GRIA3: variants seen among roughly 807,000 people sequenced by gnomAD.
The protein encoded by GRIA3 is glutamate ionotropic receptor AMPA type subunit 3.
Under a neutral mutation model 63.0 loss-of-function variants are expected in GRIA3, and 3 were observed. That is an observed-to-expected ratio of 0.05 (90% CI 0.02 to 0.12). GRIA3 has a LOEUF of 0.12. Among genes scored for constraint, GRIA3 ranks in the 10% least tolerant of loss-of-function variants. The pLI is 1.00. For synonymous variants in GRIA3, 274 were observed against 257.9 expected (o/e 1.06, Z -0.60); for missense variants, 347 against 700.9 (o/e 0.50, Z 5.70).
chrX:123,258,003 T>C (rs1454786240), intron 3 of GRIA3, among the ~76,000 whole-genome samples: 3 of 112,665 alleles, frequency 2.7e-5, no homozygotes, highest in African/African-American at 9.7e-5. Flanking sequence ...TGAAAATTAC[T>C]TTCTTGGTGC....
intron 8 of GRIA3, 64 bp downstream of exon 8, chrX:123,403,162 A>G: frequency 1.5e-6 from 1 of 667,419 alleles, no homozygotes; most frequent in Non-Finnish European, 2.5e-6. Context: ...TTTGGATGTA[A>G]GAAAATAAGT....
Position 123,184,393 on chromosome X carries a change from T to C in GRIA3, c.-143T>C, listed in dbSNP as rs1927185236. ...GGCAGCGGAGGAGGAGGAGGACTAG[T>C]GTGGGGTGGAAAGGAAGAGTGAGCG... On this transcript the variant is annotated 5_prime_UTR_variant, in exon 1 of 16. Coordinates refer to ENST00000620443, the MANE Select transcript of GRIA3 (RefSeq NM_007325.5). 1.9e-6 allele frequency: 1 copy of C among 531,955 alleles called. No homozygotes were observed. Among genetic ancestry groups the C allele is most frequent in the East Asian group, 3.5e-5 (1 of 28,601 alleles). 43.8% of individuals were successfully genotyped at this position (531,955 alleles called of 1,213,427 possible).
chrX:123,386,583 A>G (rs2045355696), intron 5 of GRIA3, among the ~76,000 whole-genome samples: 2 of 111,416 alleles, frequency 1.8e-5, no homozygotes, highest in Non-Finnish European at 3.8e-5. Context: ...GTAGGTTTAT[A>G]GTTTCGAGTC....
chrX:123,406,678 C>T (rs1304292024), intron 10 of GRIA3, among the ~76,000 whole-genome samples: 1 of 111,689 alleles, frequency 9.0e-6, no homozygotes, highest in Non-Finnish European at 1.9e-5. Context: ...CTGGAGCCAT[C>T]ATCTCCTGTC....
chrX:123,185,508 A>AGGGGGGGGGG (rs3216834), intron 1 of GRIA3, among the ~76,000 whole-genome samples: 2 of 40,958 alleles, frequency 4.9e-5, no homozygotes, highest in Non-Finnish European at 5.0e-5. Context: ...CGGGGGGCGG[A>AGGGGGGGGGG]GGGGGGGGGC....
At chrX:123,228,121 G>T (rs185013444) in intron 2 of GRIA3, among the ~76,000 whole-genome samples, 1 of 112,037 alleles carries the variant, frequency 8.9e-6, no homozygotes, top group Non-Finnish European at 1.9e-5. Flanking sequence ...GCATGGACTT[G>T]TTGCGCCAAC....
At chrX:123,392,838 C>A (rs2045393769) in intron 5 of GRIA3, among the ~76,000 whole-genome samples, 1 of 112,014 alleles carries the variant, frequency 8.9e-6, no homozygotes, top group Admixed American at 9.4e-5. Flanking sequence ...CATCTTGAGG[C>A]CCCTTTCATT....
At chrX:123,326,244 A>G in intron 4 of GRIA3, 31 bp downstream of exon 4, 1 of 1,126,387 alleles carries the variant, frequency 8.9e-7, no homozygotes, top group Non-Finnish European at 1.2e-6. Context: ...ACCGCCAGCC[A>G]ACATGTTAAA....
chrX:123,461,083 T>A (rs2045789931), intron 12 of GRIA3, among the ~76,000 whole-genome samples: 2 of 112,128 alleles, frequency 1.8e-5, no homozygotes, highest in African/African-American at 6.5e-5. Context: ...AATTCTACAG[T>A]GCTATAAAGA....
chrX:123,468,254 G>A (rs920247791), intron 13 of GRIA3, among the ~76,000 whole-genome samples: 4 of 110,035 alleles, frequency 3.6e-5, no homozygotes, highest in Non-Finnish European at 5.7e-5. Context: ...AGAGATGAAC[G>A]TGAATCTGGT....
intron 3 of GRIA3, among the ~76,000 whole-genome samples, chrX:123,291,760 G>A (rs1171984338): frequency 9.1e-6 from 1 of 110,203 alleles, no homozygotes; most frequent in Non-Finnish European, 1.9e-5. Context: ...TCAGTTGCAA[G>A]GGAGCCTGGG....
intron 3 of GRIA3, among the ~76,000 whole-genome samples, chrX:123,318,954 T>C (rs1569419241): frequency 8.9e-6 from 1 of 111,990 alleles, no homozygotes; most frequent in African/African-American, 3.2e-5. Flanking sequence ...CTCGGAATCA[T>C]GGCAGGAAGC....
intron 3 of GRIA3, among the ~76,000 whole-genome samples, chrX:123,310,027 T>C (rs1282590951): frequency 8.9e-6 from 1 of 112,698 alleles, no homozygotes; most frequent in African/African-American, 3.2e-5. Context: ...TGAACCATTT[T>C]GTTAAGTTCT....
At chrX:123,477,898 C>T (rs778681838) in intron 13 of GRIA3, among the ~76,000 whole-genome samples, 6 of 111,288 alleles carry the variant, frequency 5.4e-5, no homozygotes, top group African/African-American at 1.6e-4. Context: ...AGGACAGGAC[C>T]GGGTAAGGGC....
chrX:123,185,508 A>AGGGGGGGGGGGGGGGGGGGGGGGG (rs3216834), intron 1 of GRIA3, among the ~76,000 whole-genome samples: 3 of 40,960 alleles, frequency 7.3e-5, no homozygotes, highest in African/African-American at 7.2e-5. Flanking sequence ...CGGGGGGCGG[A>AGGGGGGGGGGGGGGGGGGGGGGGG]GGGGGGGGGC....
chrX:123,396,233 A>AATAATAATAATG (rs1354946998), intron 6 of GRIA3, among the ~76,000 whole-genome samples: 316 of 105,568 alleles, frequency 3.0e-3, no homozygotes, highest in Middle Eastern at 4.8e-3. Context: ...TAATAATAAT[A>AATAATAATAATG]ATGATGATAA....
rs2045960787 is a variant in GRIA3 at position 123,489,955 on chromosome X, C to A, written c.*1245C>A. On this transcript the variant is annotated 3_prime_UTR_variant, in exon 16 of 16. Transcript: ENST00000620443. ...GAGGGCCTCAGCATCACTTCCAGATCCTTGCTTGGAGCAGTCTCTCTATTG... is the reference window on the plus strand; with the variant it reads ...GAGGGCCTCAGCATCACTTCCAGATACTTGCTTGGAGCAGTCTCTCTATTG... The A allele has an allele frequency of 8.9e-6, 1 of 112,516 alleles. No individual in the cohort carries two copies. The highest frequency in any genetic ancestry group is 3.7e-4 in the South Asian group (1 of 2,674). 9.3% of individuals were successfully genotyped at this position (112,516 alleles called of 1,213,427 possible). A position where few individuals can be genotyped will look rare whatever the true frequency, so the allele number is the denominator to read the frequency against.
intron 5 of GRIA3, among the ~76,000 whole-genome samples, chrX:123,363,258 C>T (rs1393859344): frequency 9.0e-6 from 1 of 111,703 alleles, no homozygotes; most frequent in Non-Finnish European, 1.9e-5. Context: ...CTTTTCTCAC[C>T]CATAATCTAT....
chrX:123,414,963 T>C (rs1004613215), intron 10 of GRIA3, among the ~76,000 whole-genome samples: 1 of 111,791 alleles, frequency 8.9e-6, no homozygotes, highest in Non-Finnish European at 1.9e-5. Context: ...GGTCAAATGG[T>C]ATTTCTAGTT....
Sources: gnomAD v4.1 joint callset for allele counts (sites outside exome capture counted in the v4.1 genomes callset) on GRCh38, gnomAD v4.1.1 for gene constraint, MANE v1.5 for transcripts, NCBI Gene and HGNC (gene_info 2026-07-23, HGNC 2026-07-21) for gene names.